Variants in LIPC observed in about 807,000 individuals in gnomAD.
The protein encoded by LIPC is hepatic triacylglycerol lipase.
In LIPC, 44 loss-of-function variants were observed where a neutral mutation model predicts 50.7. The observed-to-expected ratio is 0.87, with a 90% CI of 0.68 to 1.11. The LOEUF is 1.11. Among genes scored for constraint, LIPC ranks in the 50% most tolerant of loss-of-function variants. The pLI is 0.00. For synonymous variants in LIPC, 271 were observed against 256.4 expected (o/e 1.06, Z -0.54); for missense variants, 697 against 648.2 (o/e 1.08, Z -0.82).
intron 4 of LIPC, 98 bp from the exon 5 acceptor site, chr15:58,545,642 GCT>G: frequency 1.0e-6 from 1 of 997,316 alleles, no homozygotes; most frequent in South Asian, 1.4e-5. Flanking sequence ...TCTTCTTCCT[GCT>G]AGTTCACTGA....
chr15:58,557,130 AC>A (rs1384571047), intron 6 of LIPC, among the ~76,000 whole-genome samples: 3 of 152,154 alleles, frequency 2.0e-5, no homozygotes, highest in African/African-American at 7.2e-5. Context: ...CTGGGTATAA[AC>A]ATGTAAAAGT....
intron 1 of LIPC, among the ~76,000 whole-genome samples, chr15:58,442,435 C>T (rs1186937734): frequency 3.3e-5 from 5 of 152,168 alleles, no homozygotes; most frequent in Non-Finnish European, 1.5e-5. Context: ...ACCCTTATGC[C>T]ATTTCTTGCC....
chr15:58,535,135 G>A lies in LIPC; in HGVS notation c.89-3198G>A, dbSNP rs147235963. ...CTTGACTGATGCTTTATCTTCTCTCGACCTCTTCCCTAAAGCCCCTACGCA... is the reference window on the plus strand; with the variant it reads ...CTTGACTGATGCTTTATCTTCTCTCAACCTCTTCCCTAAAGCCCCTACGCA... On this transcript the variant is annotated intron_variant, in intron 1 of 8. Transcript: ENST00000299022. 5.1e-3 allele frequency among the ~76,000 whole-genome samples: 775 copies of A among 152,096 alleles called. 3 individuals are homozygous for A. The highest frequency in any genetic ancestry group is 0.014 in the Middle Eastern group (4 of 294).
chr15:58,458,088 T>G (rs1190923471), intron 1 of LIPC, among the ~76,000 whole-genome samples: 1 of 152,212 alleles, frequency 6.6e-6, no homozygotes, highest in Non-Finnish European at 1.5e-5. Context: ...CTTGCTGTCC[T>G]TAGTAGCTAG....
intron 6 of LIPC, among the ~76,000 whole-genome samples, chr15:58,553,124 A>G (rs1342916249): frequency 1.3e-5 from 2 of 152,206 alleles, no homozygotes; most frequent in Non-Finnish European, 2.9e-5. Flanking sequence ...TCCAGATCAC[A>G]AGGAAGCAGG....
At chr15:58,519,410 C>CA (rs11432168) in intron 1 of LIPC, among the ~76,000 whole-genome samples, 100,008 of 131,670 alleles carry the variant, frequency 0.76, 38,106 homozygotes, top group East Asian at 0.95. Flanking sequence ...GACTCTGTCT[C>CA]AAAAAAAAAA....
In LIPC at chr15:58,438,251, G is replaced by A. The variant is rs376582334; in HGVS notation, c.88+6131G>A. Reference sequence around the variant, plus strand: ...CAGGGAGAGAGGCAGAAAGAGGCTGGGCCCCGAGACAGGGCAGAACAGTCC... The same window carrying A: ...CAGGGAGAGAGGCAGAAAGAGGCTGAGCCCCGAGACAGGGCAGAACAGTCC... On this transcript the variant is annotated intron_variant, in intron 1 of 8. Transcript: ENST00000299022. Among the ~76,000 whole-genome samples the A allele has an allele frequency of 1.6e-4, 24 of 152,216 alleles. No individual in the cohort carries two copies. In the East Asian group the frequency reaches 4.6e-3, roughly 29 times the overall value.
intron 1 of LIPC, among the ~76,000 whole-genome samples, chr15:58,444,518 C>T (rs1156989913): frequency 6.6e-6 from 1 of 152,192 alleles, no homozygotes; most frequent in Non-Finnish European, 1.5e-5. Flanking sequence ...TCTCACAGTT[C>T]TGGAAGTGAG....
At position 58,546,001 on chromosome 15, in the gene LIPC, G is replaced by A. The variant is rs35322472; in HGVS notation, c.808+26G>A. The A allele has an allele frequency of 2.7e-3, 4,096 of 1,538,070 alleles. 91 individuals are homozygous for A. In the African/African-American group the frequency reaches 0.044, roughly 16 times the overall value. On this transcript the variant is annotated intron_variant, in intron 5 of 8. Transcript: ENST00000299022. ...GTGAGAATGAAGTCATGGGCCGGGAGCACCGGCCTACATTTCAATGGGGCC... is the reference window on the plus strand; with the variant it reads ...GTGAGAATGAAGTCATGGGCCGGGAACACCGGCCTACATTTCAATGGGGCC...
intron 1 of LIPC, among the ~76,000 whole-genome samples, chr15:58,479,749 T>C (rs1183840787): frequency 3.9e-5 from 6 of 152,216 alleles, no homozygotes; most frequent in African/African-American, 1.2e-4. Flanking sequence ...CAATTCATCT[T>C]TCATAGACCA....
chr15:58,493,817 T>C (rs1891673869), intron 1 of LIPC, among the ~76,000 whole-genome samples: 1 of 151,470 alleles, frequency 6.6e-6, no homozygotes, highest in African/African-American at 2.4e-5. Flanking sequence ...ATAAAAGAAA[T>C]TGAAACCTCC....
intron 1 of LIPC, among the ~76,000 whole-genome samples, chr15:58,504,499 G>A (rs1215203974): frequency 2.0e-5 from 3 of 152,094 alleles, no homozygotes; most frequent in Non-Finnish European, 4.4e-5. Context: ...CTTCCAGATG[G>A]CCAGGAACAG....
At chr15:58,523,824 A>T (rs555551633) in intron 1 of LIPC, among the ~76,000 whole-genome samples, 1 of 152,262 alleles carries the variant, frequency 6.6e-6, no homozygotes, top group South Asian at 2.1e-4. Context: ...GATCCCAGCT[A>T]CTTGAGAAGC....
At chr15:58,562,800 A>G (rs1192693780) in intron 7 of LIPC, among the ~76,000 whole-genome samples, 1 of 130,190 alleles carries the variant, frequency 7.7e-6, no homozygotes, top group Admixed American at 7.6e-5. Context: ...CAAGCCACAC[A>G]AGGGACCCCC....
Position 58,560,871 on chromosome 15 carries a change from T to G in LIPC, c.1059T>G (p.His353Gln). ...CTCTGTCTCTCTCTCTAGTTTATCA[T>G]TACCAGTTCAAGATCCAGTTCATCA... ...TRAQSPFKVY[H>Q]YQFKIQFINQ... The change falls in exon 7 of 9, where the codon CAT (histidine) becomes CAG (glutamine). Residue 353 changes from histidine (H) to glutamine (Q), a missense_variant. By Grantham distance (24) the His-to-Gln change is conservative. Coordinates refer to ENST00000299022, the MANE Select transcript of LIPC (RefSeq NM_000236.3). 9.3e-7 allele frequency: 1 copy of G among 1,076,080 alleles called. No individual in the cohort carries two copies. The highest frequency in any genetic ancestry group is 1.2e-5 in the South Asian group (1 of 80,144). The allele number at this position is 1,076,080 out of a possible 1,614,324, so 66.7% of individuals were successfully genotyped here.
chr15:58,482,383 C>T (rs1280425209), intron 1 of LIPC, among the ~76,000 whole-genome samples: 2 of 151,812 alleles, frequency 1.3e-5, no homozygotes, highest in Non-Finnish European at 2.9e-5. Context: ...CAGAGCCAAG[C>T]TTTCACACAG....
intron 1 of LIPC, among the ~76,000 whole-genome samples, chr15:58,460,725 G>A (rs965255695): frequency 6.6e-6 from 1 of 152,166 alleles, no homozygotes; most frequent in Non-Finnish European, 1.5e-5. Context: ...ATGTTTTCCA[G>A]GGAGAGTTTA....
At chr15:58,530,292 A>T (rs1892919639) in intron 1 of LIPC, among the ~76,000 whole-genome samples, 1 of 152,178 alleles carries the variant, frequency 6.6e-6, no homozygotes, top group African/African-American at 2.4e-5. Context: ...AGTCTCCCTG[A>T]GACCCTGCTC....
At chr15:58,478,809 C>T (rs7162746) in intron 1 of LIPC, among the ~76,000 whole-genome samples, 4,523 of 152,232 alleles carry the variant, frequency 0.03, 224 homozygotes, top group African/African-American at 0.1. Context: ...TTCACACCTC[C>T]CACAATACTG....
Sources: allele counts gnomAD v4.1 joint callset (sites outside exome capture counted in the v4.1 genomes callset), GRCh38; gene constraint gnomAD v4.1.1; transcripts MANE v1.5; gene names NCBI Gene and HGNC (gene_info 2026-07-23, HGNC 2026-07-21).